Variants in ZNF407 observed in about 807,000 individuals in gnomAD.
ZNF407 encodes zinc finger protein 407.
A neutral mutation model predicts 131.2 loss-of-function variants in ZNF407; 17 were observed. The ratio of observed to expected loss-of-function variants is 0.13; its 90% CI spans 0.09 to 0.19. The LOEUF is 0.19. Among genes scored for constraint, ZNF407 ranks in the 10% least tolerant of loss-of-function variants. ZNF407 has a pLI of 1.00. For synonymous variants in ZNF407, 1,156 were observed against 1,062.0 expected, an observed-to-expected ratio of 1.09 and a Z score of -1.72; for missense variants, 2,681 against 2,830.6, an observed-to-expected ratio of 0.95 and a Z score of 1.20.
At chr18:74,859,378 TG>T (rs1347819421) in intron 4 of ZNF407, among the ~76,000 whole-genome samples, 1 of 152,152 alleles carries the variant, frequency 6.6e-6, no homozygotes, top group African/African-American at 2.4e-5. Flanking sequence ...TTCAGCTAAA[TG>T]TTAGTATTTA....
At chr18:74,655,140 A>G (rs1985396236) in intron 3 of ZNF407, among the ~76,000 whole-genome samples, 1 of 151,990 alleles carries the variant, frequency 6.6e-6, no homozygotes, top group African/African-American at 2.4e-5. Context: ...TAGAAAATGC[A>G]TTATTATAAG....
At chr18:74,917,753 A>T (rs1344848573) in intron 7 of ZNF407, among the ~76,000 whole-genome samples, 1 of 152,238 alleles carries the variant, frequency 6.6e-6, no homozygotes, top group Non-Finnish European at 1.5e-5. Context: ...TGCATCATAC[A>T]TTGAAATGTA....
At chr18:74,793,213 C>A (rs1392531413) in intron 4 of ZNF407, among the ~76,000 whole-genome samples, 1 of 152,140 alleles carries the variant, frequency 6.6e-6, no homozygotes, top group Non-Finnish European at 1.5e-5. Flanking sequence ...TCAAAAGAAT[C>A]CAACTGCTGG....
chr18:74,934,182 TG>T (rs1972013342), intron 8 of ZNF407, among the ~76,000 whole-genome samples: 1 of 152,204 alleles, frequency 6.6e-6, no homozygotes, highest in Admixed American at 6.5e-5. Flanking sequence ...ATAATTTTAG[TG>T]CATGCCTAAA....
At chr18:74,881,004 C>A in intron 5 of ZNF407, 32 bp from the exon 6 acceptor site, 1 of 1,565,190 alleles carries the variant, frequency 6.4e-7, no homozygotes, top group East Asian at 2.3e-5. Context: ...CTGTGACCTC[C>A]GCAGTCCCTC....
At chr18:74,825,890 C>T (rs549202483) in intron 4 of ZNF407, among the ~76,000 whole-genome samples, 1 of 152,266 alleles carries the variant, frequency 6.6e-6, no homozygotes, top group African/African-American at 2.4e-5. Flanking sequence ...CACAGGAACC[C>T]AGTATGGAAT....
At chr18:74,738,255 A>G (rs1475642367) in intron 3 of ZNF407, among the ~76,000 whole-genome samples, 2 of 151,816 alleles carry the variant, frequency 1.3e-5, no homozygotes, top group Non-Finnish European at 2.9e-5. Context: ...CCCTGTCTCT[A>G]CTAAAAATAC....
At chr18:74,612,099 G>A (rs146508482) in intron 1 of ZNF407, among the ~76,000 whole-genome samples, 3 of 152,242 alleles carry the variant, frequency 2.0e-5, no homozygotes, top group African/African-American at 7.2e-5. Flanking sequence ...AGGATAATAC[G>A]CAGCTGGAAC....
chr18:74,849,563 G>A (rs1228876319), intron 4 of ZNF407, among the ~76,000 whole-genome samples: 4 of 152,180 alleles, frequency 2.6e-5, no homozygotes, highest in Admixed American at 2.6e-4. Flanking sequence ...TGTGCCTTGA[G>A]ACCCTGGGTT....
At chr18:74,895,896 T>C (rs879359015) in intron 7 of ZNF407, among the ~76,000 whole-genome samples, 2 of 152,210 alleles carry the variant, frequency 1.3e-5, no homozygotes, top group Non-Finnish European at 2.9e-5. Context: ...AGACTTTCAG[T>C]TTTCCTTTTG....
intron 8 of ZNF407, among the ~76,000 whole-genome samples, chr18:75,025,792 T>C (rs1973164152): frequency 6.6e-6 from 1 of 152,206 alleles, no homozygotes; most frequent in Non-Finnish European, 1.5e-5. Flanking sequence ...TTTTCACCCT[T>C]TGAACGTAGT....
chr18:74,754,058 T>C (rs529742414), intron 3 of ZNF407, among the ~76,000 whole-genome samples: 1 of 152,356 alleles, frequency 6.6e-6, no homozygotes, highest in Admixed American at 6.5e-5. Flanking sequence ...TTCAACTTCT[T>C]CCTGGTTTAG....
At chr18:74,766,542 G>A (rs1969238184) in intron 3 of ZNF407, among the ~76,000 whole-genome samples, 1 of 152,168 alleles carries the variant, frequency 6.6e-6, no homozygotes, top group South Asian at 2.1e-4. Flanking sequence ...TTCTTAACCA[G>A]CTACATCTAG....
At chr18:74,805,176 G>A (rs1035780813) in intron 4 of ZNF407, among the ~76,000 whole-genome samples, 2 of 152,122 alleles carry the variant, frequency 1.3e-5, no homozygotes, top group Non-Finnish European at 2.9e-5. Flanking sequence ...CTTGATGAAG[G>A]TGTTTCCTTT....
chr18:74,900,004 GCT>G (rs1971502554), intron 7 of ZNF407, among the ~76,000 whole-genome samples: 1 of 152,240 alleles, frequency 6.6e-6, no homozygotes, highest in African/African-American at 2.4e-5. Flanking sequence ...ACGGATGCGT[GCT>G]GTCTTTGTGT....
At chr18:75,008,504 C>T (rs1972937253) in intron 8 of ZNF407, among the ~76,000 whole-genome samples, 1 of 152,206 alleles carries the variant, frequency 6.6e-6, no homozygotes, top group African/African-American at 2.4e-5. Flanking sequence ...AGAAAGTCAT[C>T]CCCGGATAGT....
intron 4 of ZNF407, among the ~76,000 whole-genome samples, chr18:74,876,537 G>T (rs192115730): frequency 6.6e-4 from 101 of 152,184 alleles, no homozygotes; most frequent in African/African-American, 2.3e-3. Context: ...ATATTATATT[G>T]TATAAGTACT....
chr18:74,831,902 G>A (rs1280552837), intron 4 of ZNF407, among the ~76,000 whole-genome samples: 1 of 152,162 alleles, frequency 6.6e-6, no homozygotes, highest in Non-Finnish European at 1.5e-5. Context: ...CTGTGGCCCT[G>A]GGCACAGTTA....
intron 4 of ZNF407, among the ~76,000 whole-genome samples, chr18:74,862,283 C>A (rs2145160942): frequency 6.6e-6 from 1 of 152,360 alleles, no homozygotes; most frequent in East Asian, 1.9e-4. Context: ...CCAGAGCTCT[C>A]ACTCAGGAAA....
Sources: allele counts gnomAD v4.1 joint callset (sites outside exome capture counted in the v4.1 genomes callset), GRCh38; gene constraint gnomAD v4.1.1; transcripts MANE v1.5; gene names NCBI Gene and HGNC (gene_info 2026-07-23, HGNC 2026-07-21).